Variants in LY86 observed in about 807,000 individuals in gnomAD.
LY86 encodes lymphocyte antigen 86, also known as MD-1, RP105-associated.
LY86 carries 20 observed loss-of-function variants against 17.3 expected under a neutral mutation model. That is an observed-to-expected ratio of 1.15 (90% confidence interval 0.81 to 1.68). LY86 has a LOEUF of 1.68. Among genes scored for constraint, LY86 ranks in the 40% most tolerant of loss-of-function variants. LY86 has a pLI of 0.00. For missense variants in LY86, 200 were observed against 191.9 expected (o/e 1.04, Z -0.25); for synonymous variants, 74 against 70.6 (o/e 1.05, Z -0.24).
chr6:6,597,928 G>A (rs185284315), intron 1 of LY86, among the ~76,000 whole-genome samples: 88 of 152,346 alleles, frequency 5.8e-4, no homozygotes, highest in Admixed American at 1.0e-3. Context: ...CTGGCCAGTG[G>A]AAGCTACACC....
At chr6:6,605,812 G>C (rs1167976104) in intron 1 of LY86, among the ~76,000 whole-genome samples, 1 of 151,990 alleles carries the variant, frequency 6.6e-6, no homozygotes, top group Non-Finnish European at 1.5e-5. Flanking sequence ...GGGGTTCGTG[G>C]TCTCGCTGGC....
At chr6:6,607,944 T>A (rs999262816) in intron 1 of LY86, among the ~76,000 whole-genome samples, 15 of 152,250 alleles carry the variant, frequency 9.9e-5, no homozygotes, top group Admixed American at 9.2e-4. Context: ...CTAATAGATA[T>A]AAATGGACTA....
intron 4 of LY86, among the ~76,000 whole-genome samples, chr6:6,650,558 C>T (rs912262230): frequency 6.6e-6 from 1 of 152,194 alleles, no homozygotes; most frequent in Non-Finnish European, 1.5e-5. Context: ...TGGTCTCGAA[C>T]TCCTGACCTC....
At chr6:6,641,633 T>C (rs1258088437) in intron 3 of LY86, among the ~76,000 whole-genome samples, 1 of 152,238 alleles carries the variant, frequency 6.6e-6, no homozygotes, top group South Asian at 2.1e-4. Context: ...CGGGTACCAT[T>C]TCTGAACTAG....
intron 1 of LY86, among the ~76,000 whole-genome samples, chr6:6,592,021 A>G (rs938279687): frequency 4.6e-5 from 7 of 152,202 alleles, no homozygotes; most frequent in African/African-American, 1.4e-4. Flanking sequence ...CATTTTGGAA[A>G]GATCCTCGGG....
At chr6:6,611,687 C>T (rs1435581542) in intron 1 of LY86, among the ~76,000 whole-genome samples, 1 of 152,228 alleles carries the variant, frequency 6.6e-6, no homozygotes, top group Non-Finnish European at 1.5e-5. Context: ...CGCTGCGCGC[C>T]GGTCGTGTTT....
At chr6:6,613,309 G>A (rs1011401198) in intron 1 of LY86, among the ~76,000 whole-genome samples, 1 of 152,224 alleles carries the variant, frequency 6.6e-6, no homozygotes, top group Non-Finnish European at 1.5e-5. Context: ...CTAGGGGACG[G>A]AGCGCTATGG....
chr6:6,597,874 TGGCGTCCAAA>T (rs1561775335), intron 1 of LY86, among the ~76,000 whole-genome samples: 2 of 152,400 alleles, frequency 1.3e-5, no homozygotes, highest in Admixed American at 6.5e-5. Flanking sequence ...TTAGCCAGAA[TGGCGTCCAAA>T]GGCTCTCTTA....
chr6:6,637,949 A>C (rs1297028903), intron 3 of LY86, among the ~76,000 whole-genome samples: 1 of 152,258 alleles, frequency 6.6e-6, no homozygotes, highest in Non-Finnish European at 1.5e-5. Flanking sequence ...TAGGTGGAAC[A>C]AAAAAACTTA....
intron 1 of LY86, among the ~76,000 whole-genome samples, chr6:6,596,209 C>T (rs938086489): frequency 1.3e-5 from 2 of 152,122 alleles, no homozygotes; most frequent in African/African-American, 2.4e-5. Flanking sequence ...AAAACATCTC[C>T]GTACAGAATA....
chr6:6,652,728 C>T lies in LY86; in HGVS notation c.406-1816C>T, dbSNP rs570473940. The stretch of plus-strand genomic sequence containing the variant: ...ACTCAGTCCTTCCCTACCCTGGCCT[C>T]CTGGCCTCCCAGCACACACCTCCAT... On this transcript the variant is annotated intron_variant, in intron 4 of 4. Coordinates refer to ENST00000230568, the MANE Select transcript of LY86 (RefSeq NM_004271.4). Among the ~76,000 whole-genome samples the T allele has an allele frequency of 5.3e-5, 8 of 152,338 alleles. 1 individual carries two copies. The East Asian group carries it at 9.6e-4, about 18-fold the overall frequency.
At chr6:6,609,817 A>G (rs1761285648) in intron 1 of LY86, among the ~76,000 whole-genome samples, 1 of 151,958 alleles carries the variant, frequency 6.6e-6, no homozygotes, top group Non-Finnish European at 1.5e-5. Context: ...ACCCATAAAC[A>G]TGGATAATTA....
chr6:6,611,066 G>A (rs1455878960), intron 1 of LY86, among the ~76,000 whole-genome samples: 1 of 152,134 alleles, frequency 6.6e-6, no homozygotes, highest in African/African-American at 2.4e-5. Context: ...GTTAAGATCT[G>A]GCCGTGTCTG....
At chr6:6,612,187 T>A (rs557955463) in intron 1 of LY86, among the ~76,000 whole-genome samples, 1 of 152,140 alleles carries the variant, frequency 6.6e-6, no homozygotes, top group Non-Finnish European at 1.5e-5. Flanking sequence ...CTCACTGACT[T>A]CAAGAACGAA....
chr6:6,612,043 G>A lies in LY86; in HGVS notation c.137-12883G>A, dbSNP rs796953690. Among the ~76,000 whole-genome samples, 6 of 146,320 alleles carry A rather than the reference G, an allele frequency of 4.1e-5. No homozygotes were observed. In the South Asian group the frequency reaches 6.7e-4, roughly 16 times the overall value. ...TTGTGGTCTCTTGTATTAGGAGAGA[G>A]CAAATTGAAGATGTTAAAAAGCCAA... is the stretch of plus-strand genomic sequence containing the variant. On this transcript the variant is annotated intron_variant, in intron 1 of 4. Coordinates refer to ENST00000230568, the MANE Select transcript of LY86 (RefSeq NM_004271.4).
At chr6:6,628,296 C>T (rs1761836204) in intron 3 of LY86, among the ~76,000 whole-genome samples, 1 of 141,240 alleles carries the variant, frequency 7.1e-6, no homozygotes, top group Non-Finnish European at 1.5e-5. Context: ...CTCCCTCCCT[C>T]CCCTTCTTCC....
At chr6:6,619,912 G>T (rs191248139) in intron 1 of LY86, among the ~76,000 whole-genome samples, 17 of 152,230 alleles carry the variant, frequency 1.1e-4, no homozygotes, top group African/African-American at 4.1e-4. Flanking sequence ...GAGAAAGGGA[G>T]GGGGAGAAAG....
At position 6,618,689 on chromosome 6, in the gene LY86, C is replaced by T. The variant is rs143138667; in HGVS notation, c.137-6237C>T. 2.6e-3 allele frequency among the ~76,000 whole-genome samples: 393 copies of T among 152,186 alleles called. 2 individuals are homozygous for T. The highest frequency in any genetic ancestry group is 9.2e-3 in the African/African-American group (383 of 41,512). On this transcript the variant is annotated intron_variant, in intron 1 of 4. Transcript: ENST00000230568. ...ACCGTTTACATATCTGAGATGAAACCGGAAGCCAGTTCATACGTATGACTT... is the reference window on the plus strand; with the variant it reads ...ACCGTTTACATATCTGAGATGAAACTGGAAGCCAGTTCATACGTATGACTT...
intron 1 of LY86, chr6:6,591,140 T>C (rs150081002): frequency 6.5e-6 from 1 of 153,914 alleles, no homozygotes; most frequent in Non-Finnish European, 1.5e-5. Context: ...ACAGCTGATC[T>C]GTCTCCCAGA....
Sources: allele counts gnomAD v4.1 joint callset (sites outside exome capture counted in the v4.1 genomes callset), GRCh38; gene constraint gnomAD v4.1.1; transcripts MANE v1.5; gene names NCBI Gene and HGNC (gene_info 2026-07-23, HGNC 2026-07-21).